DSCAM: variants seen among roughly 807,000 people sequenced by gnomAD.
DSCAM encodes the protein cell adhesion molecule DSCAM.
In DSCAM, 47 loss-of-function variants were observed where a neutral mutation model predicts 217.7. The observed-to-expected ratio is 0.22, with a 90% CI of 0.17 to 0.28. The LOEUF (loss-of-function observed/expected upper bound fraction) is 0.28, where lower values mean the gene tolerates loss of function less well. Among genes scored for constraint, DSCAM ranks in the 10% least tolerant of loss-of-function variants. DSCAM has a pLI of 1.00. For missense variants in DSCAM, 2,080 were observed against 2,618.3 expected (o/e 0.79, Z 4.49); for synonymous variants, 1,056 against 1,015.3 (o/e 1.04, Z -0.76).
chr21:40,643,998 C>G (rs916637125), intron 3 of DSCAM, among the ~76,000 whole-genome samples: 4 of 152,198 alleles, frequency 2.6e-5, no homozygotes, highest in African/African-American at 9.6e-5. Flanking sequence ...CCAGCAGGCT[C>G]ACCATGCATA....
intron 16 of DSCAM, among the ~76,000 whole-genome samples, chr21:40,163,070 AACACACACACACACACAC>A (rs3069756): frequency 0.016 from 2,304 of 143,230 alleles, 33 homozygotes; most frequent in Non-Finnish European, 0.026. Flanking sequence ...GACCATGGCA[AACACACACACACACACAC>A]ACACACACAC....
chr21:40,110,641 C>T (rs773934184), intron 20 of DSCAM, among the ~76,000 whole-genome samples: 1 of 151,982 alleles, frequency 6.6e-6, no homozygotes, highest in Non-Finnish European at 1.5e-5. Flanking sequence ...AAGTTTGAAC[C>T]CATGGCAAAG....
intron 3 of DSCAM, among the ~76,000 whole-genome samples, chr21:40,466,043 A>T (rs952636845): frequency 1.3e-5 from 2 of 152,134 alleles, no homozygotes; most frequent in Non-Finnish European, 2.9e-5. Context: ...GGTCACAAGG[A>T]GTGCAATAAA....
intron 3 of DSCAM, among the ~76,000 whole-genome samples, chr21:40,568,656 T>C (rs1273558854): frequency 2.0e-5 from 3 of 152,220 alleles, no homozygotes; most frequent in Admixed American, 6.5e-5. Context: ...TATAGTCACA[T>C]AGTAAAAGTT....
intron 4 of DSCAM, among the ~76,000 whole-genome samples, chr21:40,361,405 G>A (rs1305777817): frequency 6.6e-6 from 1 of 152,136 alleles, no homozygotes; most frequent in Admixed American, 6.5e-5. Flanking sequence ...GGGATCACAA[G>A]GTCAGGAGAT....
At chr21:40,487,705 G>C (rs2076041844) in intron 3 of DSCAM, among the ~76,000 whole-genome samples, 1 of 152,174 alleles carries the variant, frequency 6.6e-6, no homozygotes, top group African/African-American at 2.4e-5. Flanking sequence ...GGAACCAGGG[G>C]AGAGGCAGTG....
chr21:40,343,373 T>C (rs1569074872), intron 6 of DSCAM, among the ~76,000 whole-genome samples: 1 of 152,182 alleles, frequency 6.6e-6, no homozygotes, highest in Non-Finnish European at 1.5e-5. Flanking sequence ...CAATCTTAAA[T>C]GAAAAACATT....
chr21:40,566,431 AGTTT>A (rs1248396997), intron 3 of DSCAM, among the ~76,000 whole-genome samples: 2 of 152,342 alleles, frequency 1.3e-5, no homozygotes, highest in African/African-American at 4.8e-5. Context: ...GCACCTAAGT[AGTTT>A]AAGACTCTCC....
chr21:40,054,613 A>C (rs2088984388), intron 29 of DSCAM, among the ~76,000 whole-genome samples: 1 of 152,220 alleles, frequency 6.6e-6, no homozygotes, highest in Non-Finnish European at 1.5e-5. Flanking sequence ...CTTCCAAAAC[A>C]AACATAGCCA....
intron 16 of DSCAM, among the ~76,000 whole-genome samples, chr21:40,152,791 C>T (rs540473717): frequency 2.6e-5 from 4 of 152,238 alleles, no homozygotes; most frequent in Non-Finnish European, 5.9e-5. Context: ...GCTCACTGCA[C>T]CTGCCTGGAT....
chr21:40,277,632 A>AATT (rs1322512508), intron 10 of DSCAM, among the ~76,000 whole-genome samples: 1 of 137,214 alleles, frequency 7.3e-6, no homozygotes, highest in African/African-American at 2.7e-5. Flanking sequence ...GACAACCTGA[A>AATT]TTTTTTTTTT....
At chr21:40,546,919 G>C (rs1237695689) in intron 3 of DSCAM, among the ~76,000 whole-genome samples, 1 of 152,094 alleles carries the variant, frequency 6.6e-6, no homozygotes, top group East Asian at 1.9e-4. Context: ...TGGGGCTGGG[G>C]TGGGAGCCTG....
intron 32 of DSCAM, among the ~76,000 whole-genome samples, chr21:40,027,103 C>T (rs1161775371): frequency 1.3e-5 from 2 of 152,270 alleles, no homozygotes; most frequent in Non-Finnish European, 2.9e-5. Flanking sequence ...ATTTGCTTGT[C>T]TGTAAAGTAT....
At chr21:40,277,979 A>C (rs2073711171) in intron 10 of DSCAM, among the ~76,000 whole-genome samples, 1 of 152,128 alleles carries the variant, frequency 6.6e-6, no homozygotes, top group African/African-American at 2.4e-5. Context: ...TACATAGATA[A>C]TTGAAAAGAG....
intron 1 of DSCAM, among the ~76,000 whole-genome samples, chr21:40,765,388 T>C (rs1038994244): frequency 1.3e-5 from 2 of 152,172 alleles, no homozygotes; most frequent in African/African-American, 2.4e-5. Context: ...TTGGTCTCCA[T>C]CATGTCAGAC....
chr21:40,802,358 C>T (rs73224283), intron 1 of DSCAM, among the ~76,000 whole-genome samples: 1 of 152,330 alleles, frequency 6.6e-6, no homozygotes, highest in Non-Finnish European at 1.5e-5. Flanking sequence ...TTTGATTTCA[C>T]AGACTCACAG....
intron 3 of DSCAM, among the ~76,000 whole-genome samples, chr21:40,461,240 C>T (rs2075803525): frequency 6.6e-6 from 1 of 152,034 alleles, no homozygotes; most frequent in South Asian, 2.1e-4. Flanking sequence ...AAAGGATACC[C>T]GAGAAACTGG....
chr21:40,151,410 T>A (rs1002945501), intron 16 of DSCAM, among the ~76,000 whole-genome samples: 1 of 152,006 alleles, frequency 6.6e-6, no homozygotes. Flanking sequence ...CCATTCTCAA[T>A]GAAACGTGGT....
intron 3 of DSCAM, among the ~76,000 whole-genome samples, chr21:40,522,620 A>G (rs1386014022): frequency 6.6e-6 from 1 of 152,222 alleles, no homozygotes; most frequent in Non-Finnish European, 1.5e-5. Context: ...TGCAGGATAC[A>G]TATTTTTTTC....
Sources: allele counts gnomAD v4.1 joint callset (sites outside exome capture counted in the v4.1 genomes callset), GRCh38; gene constraint gnomAD v4.1.1; transcripts MANE v1.5; gene names NCBI Gene and HGNC (gene_info 2026-07-23, HGNC 2026-07-21).